Variants in KIAA1217 observed in about 807,000 individuals in gnomAD.
The protein encoded by KIAA1217 is sickle tail protein homolog.
Under a neutral mutation model 163.9 loss-of-function variants are expected in KIAA1217, and 88 were observed. The ratio of observed to expected loss-of-function variants is 0.54; its 90% CI spans 0.45 to 0.64. KIAA1217 has a LOEUF of 0.64. Among genes scored for constraint, KIAA1217 ranks in the 30% least tolerant of loss-of-function variants. The pLI is 0.00. For synonymous variants in KIAA1217, 903 were observed against 923.1 expected (o/e 0.98, Z 0.39); for missense variants, 2,372 against 2,475.0 (o/e 0.96, Z 0.88).
rs112465895 is a variant in KIAA1217, at chr10:23,696,018, C to T, written c.-321+784C>T. ...CGCCGCTGCGGGTCCTCCGAGACCC[C>T]GGACTGTCCTGAGCTGCTTCGAGGG... On this transcript the variant is annotated intron_variant, in intron 1 of 18. Coordinates refer to the KIAA1217 transcript ENST00000376462. Among the ~76,000 whole-genome samples the T allele has an allele frequency of 3.3e-5, 5 of 152,272 alleles. No homozygotes were observed. In the South Asian group the frequency reaches 1.0e-3, roughly 32 times the overall value.
At chr10:23,828,569 G>C (rs961782252) in intron 1 of KIAA1217, among the ~76,000 whole-genome samples, 1 of 152,202 alleles carries the variant, frequency 6.6e-6, no homozygotes, top group Non-Finnish European at 1.5e-5. Context: ...GTCTAAAAGA[G>C]GAAGCTGTGT....
At chr10:24,018,137 TA>T (rs771144778) in intron 2 of KIAA1217, among the ~76,000 whole-genome samples, 3,497 of 149,836 alleles carry the variant, frequency 0.023, 44 homozygotes, top group Non-Finnish European at 0.032. Context: ...AGCTTCATAT[TA>T]AAAAAAAAAT....
intron 2 of KIAA1217, among the ~76,000 whole-genome samples, chr10:24,329,772 C>T (rs1043956931): frequency 3.3e-5 from 5 of 152,160 alleles, no homozygotes; most frequent in East Asian, 3.9e-4. Context: ...ATTGGTTCTT[C>T]GTAGACTGCC....
rs1388984940 is a variant in KIAA1217 at position 23,790,405 on chromosome 10, A to ACATATG, written c.-321+95171_-321+95172insCATATG. On this transcript the variant is annotated intron_variant, in intron 1 of 18. Coordinates refer to the KIAA1217 transcript ENST00000376462. Reference sequence around the variant, plus strand: ...TATATACATATGTATATATACATATATACATATACATATATACATATATAC... The same window carrying ACATATG: ...TATATACATATGTATATATACATATACATATGTACATATACATATATACATATATAC... 1.8e-5 allele frequency among the ~76,000 whole-genome samples: 2 copies of ACATATG among 109,394 alleles called. 1 individual carries two copies. The highest frequency in any genetic ancestry group is 3.6e-5 in the Non-Finnish European group (2 of 55,018). The allele number at this position is 109,394 out of a possible 152,430, so 71.8% of individuals were successfully genotyped here.
chr10:24,522,580 G>A (rs1020098255), intron 12 of KIAA1217, among the ~76,000 whole-genome samples: 6 of 152,178 alleles, frequency 3.9e-5, no homozygotes, highest in Non-Finnish European at 8.8e-5. Context: ...AGGTAAACCT[G>A]CTCACCGAAG....
intron 9 of KIAA1217, among the ~76,000 whole-genome samples, chr10:24,511,264 C>T (rs117739671): frequency 0.014 from 2,182 of 151,512 alleles, 32 homozygotes; most frequent in South Asian, 0.028. Context: ...ACAAGGGAAG[C>T]GACCAGATTG....
intron 1 of KIAA1217, among the ~76,000 whole-genome samples, chr10:23,927,122 A>G (rs7897428): frequency 0.44 from 67,039 of 151,646 alleles, 18,732 homozygotes; most frequent in African/African-American, 0.8. Flanking sequence ...GTCCAGGCTG[A>G]TCTTGAACTT....
intron 2 of KIAA1217, among the ~76,000 whole-genome samples, chr10:24,032,767 G>A (rs977696420): frequency 2.6e-5 from 4 of 152,120 alleles, no homozygotes; most frequent in African/African-American, 9.7e-5. Flanking sequence ...GGGTTGTTGT[G>A]CTTTAATGCT....
chr10:23,898,333 A>G (rs1841798997), intron 1 of KIAA1217, among the ~76,000 whole-genome samples: 2 of 151,698 alleles, frequency 1.3e-5, no homozygotes, highest in Admixed American at 1.3e-4. Flanking sequence ...ACACATATAT[A>G]TAATATATAT....
rs564612848 is a variant in KIAA1217 at position 24,232,879 on chromosome 10, G to C, written c.354+12970G>C. On this transcript the variant is annotated intron_variant, in intron 2 of 20. Transcript: ENST00000376454. ...CTCATTAATCCCAGCACTTTGGGAG[G>C]CTGAGGCAGGTGGATTGCCAGAGCT... Among the ~76,000 whole-genome samples the C allele has an allele frequency of 7.3e-4, 100 of 136,774 alleles. 2 individuals are homozygous for C. The South Asian group carries it at 0.021, about 29-fold the overall frequency. 89.7% of individuals were successfully genotyped at this position (136,774 alleles called of 152,430 possible). A position where few individuals can be genotyped will look rare whatever the true frequency, so the allele number is the denominator to read the frequency against.
chr10:23,973,403 A>G (rs527828142), intron 1 of KIAA1217, among the ~76,000 whole-genome samples: 1 of 152,370 alleles, frequency 6.6e-6, no homozygotes, highest in African/African-American at 2.4e-5. Flanking sequence ...ATTAAGTAAT[A>G]TCCCCAAAGT....
At chr10:24,448,082 ATCACACCACTGTAC>A (rs2061094000) in intron 5 of KIAA1217, among the ~76,000 whole-genome samples, 1 of 152,156 alleles carries the variant, frequency 6.6e-6, no homozygotes, top group Non-Finnish European at 1.5e-5. Context: ...GTGAGCCAAG[ATCACACCACTGTAC>A]TCCAGCCTGG....
At chr10:24,144,229 C>T (rs936004738) in intron 2 of KIAA1217, among the ~76,000 whole-genome samples, 1 of 152,224 alleles carries the variant, frequency 6.6e-6, no homozygotes, top group Admixed American at 6.5e-5. Flanking sequence ...GTGTGAATCT[C>T]ATTTTAAATT....
At chr10:23,986,910 C>T (rs751129120) in intron 1 of KIAA1217, among the ~76,000 whole-genome samples, 9 of 152,214 alleles carry the variant, frequency 5.9e-5, no homozygotes, top group South Asian at 2.1e-4. Flanking sequence ...ATGAATACAA[C>T]GGTTAGCAAA....
chr10:24,472,442 T>C (rs549466975), intron 5 of KIAA1217, among the ~76,000 whole-genome samples: 1 of 152,216 alleles, frequency 6.6e-6, no homozygotes, highest in Non-Finnish European at 1.5e-5. Flanking sequence ...CTCCCTAGAT[T>C]GTATCCACTT....
At chr10:23,896,493 C>T (rs1376095312) in intron 1 of KIAA1217, among the ~76,000 whole-genome samples, 1 of 152,042 alleles carries the variant, frequency 6.6e-6, no homozygotes, top group Non-Finnish European at 1.5e-5. Context: ...CTGGTGATCA[C>T]CACAGTGCAG....
intron 2 of KIAA1217, among the ~76,000 whole-genome samples, chr10:24,148,324 C>T (rs2064435751): frequency 1.3e-5 from 2 of 152,058 alleles, no homozygotes; most frequent in Middle Eastern, 3.4e-3. Flanking sequence ...TAGAAAGATA[C>T]AGTTTTGTAA....
At chr10:24,502,040 C>T (rs193137918) in intron 9 of KIAA1217, among the ~76,000 whole-genome samples, 2 of 152,118 alleles carry the variant, frequency 1.3e-5, no homozygotes, top group East Asian at 1.9e-4. Context: ...TGAGCCACCG[C>T]GTCTGGCCTA....
intron 2 of KIAA1217, among the ~76,000 whole-genome samples, chr10:24,160,992 C>T (rs2065092402): frequency 6.6e-6 from 1 of 152,150 alleles, no homozygotes. Context: ...TCTATTTGTA[C>T]TTTCTGTGAG....
Sources: gnomAD v4.1 joint callset for allele counts (sites outside exome capture counted in the v4.1 genomes callset) on GRCh38, gnomAD v4.1.1 for gene constraint, MANE v1.5 for transcripts, NCBI Gene and HGNC (gene_info 2026-07-23, HGNC 2026-07-21) for gene names.